The following MBTPS2 variants were observed in gnomAD, a reference collection of about 807,000 sequenced individuals.
MBTPS2 encodes membrane-bound transcription factor site-2 protease.
A neutral mutation model predicts 35.4 loss-of-function variants in MBTPS2; 2 were observed. The observed-to-expected ratio is 0.06, with a 90% confidence interval of 0.02 to 0.18. The LOEUF is 0.18. Among genes scored for constraint, MBTPS2 ranks in the 10% least tolerant of loss-of-function variants. The probability of loss-of-function intolerance (pLI) is 1.00; values close to 1 mark genes in which losing one functional copy is unlikely to be tolerated. For synonymous variants in MBTPS2, 125 were observed against 140.4 expected, an observed-to-expected ratio of 0.89 and a Z score of 0.77; for missense variants, 244 against 386.5, an observed-to-expected ratio of 0.63 and a Z score of 3.09.
intron 5 of MBTPS2, among the ~76,000 whole-genome samples, chrX:21,860,568 C>T (rs1396812876): frequency 8.9e-6 from 1 of 112,080 alleles, no homozygotes; most frequent in Admixed American, 9.4e-5. Flanking sequence ...GTTTGTGCTC[C>T]ACCACCCTCA....
chrX:21,879,951 T>TC lies in MBTPS2; in HGVS notation c.1262-946_1262-945insC, dbSNP rs1278053232. On this transcript the variant is annotated intron_variant, in intron 9 of 10. Coordinates refer to ENST00000379484, the MANE Select transcript of MBTPS2 (RefSeq NM_015884.4). ...GGATATGTGGGTTTTATGTTATTCT[T>TC]TTTTTTTTTTTTTTTTTTTGAGACG... is the stretch of plus-strand genomic sequence containing the variant. Among the ~76,000 whole-genome samples the TC allele has an allele frequency of 8.0e-4, 41 of 51,449 alleles. 2 individuals carry two copies. The highest frequency in any genetic ancestry group is 2.8e-3 in the South Asian group (3 of 1,074). The allele number at this position is 51,449 out of a possible 115,157, so 44.7% of individuals were successfully genotyped here. A position where few individuals can be genotyped will look rare whatever the true frequency, so the allele number is the denominator to read the frequency against.
chrX:21,844,196 A>G (rs2092905993), intron 2 of MBTPS2, among the ~76,000 whole-genome samples: 1 of 110,390 alleles, frequency 9.1e-6, no homozygotes, highest in African/African-American at 3.3e-5. Context: ...CTGATGAAGA[A>G]AAAAGAAACG....
intron 9 of MBTPS2, among the ~76,000 whole-genome samples, chrX:21,879,511 C>A (rs2092956671): frequency 9.0e-6 from 1 of 111,381 alleles, no homozygotes; most frequent in Non-Finnish European, 1.9e-5. Context: ...AACTCCTGAG[C>A]TCAAGCAATT....
At position 21,885,043 on chromosome X, in the gene MBTPS2, C is replaced by T. The variant is rs1191944169; in HGVS notation, c.*2388C>T. On this transcript the variant is annotated 3_prime_UTR_variant, in exon 11 of 11. Transcript: ENST00000379484. ...ACAGTAAAACTTTATTCTCAGTGTT[C>T]CTACTCTGCATTGTTTACATTTTTG... 5.3e-6 allele frequency: 4 copies of T among 750,489 alleles called. No homozygotes were observed. The African/African-American group carries it at 7.0e-5, about 13-fold the overall frequency. 61.8% of individuals were successfully genotyped at this position (750,489 alleles called of 1,213,427 possible).
At chrX:21,857,808 G>A in intron 5 of MBTPS2, 1 of 412,519 alleles carries the variant, frequency 2.4e-6, no homozygotes, top group Non-Finnish European at 4.0e-6. Context: ...AGATAATAGT[G>A]CTAAGATGCC....
intron 2 of MBTPS2, among the ~76,000 whole-genome samples, 155 bp from the exon 3 acceptor site, chrX:21,845,012 GCAGT>G (rs990370490): frequency 8.9e-6 from 1 of 112,521 alleles, no homozygotes; most frequent in African/African-American, 3.2e-5. Flanking sequence ...TGCTCATGCT[GCAGT>G]CAAATATTTG....
At chrX:21,849,616 A>C (rs1255275003) in intron 3 of MBTPS2, among the ~76,000 whole-genome samples, 1 of 111,118 alleles carries the variant, frequency 9.0e-6, no homozygotes, top group Non-Finnish European at 1.9e-5. Context: ...TAGCTCATTT[A>C]ATCCTCAAAA....
intron 9 of MBTPS2, 131 bp from the exon 10 acceptor site, chrX:21,880,766 C>A: frequency 2.0e-6 from 1 of 499,139 alleles, no homozygotes; most frequent in Non-Finnish European, 3.6e-6. Flanking sequence ...ATATGGCCTG[C>A]ATATGTTTAG....
At chrX:21,858,830 G>A (rs1199501065) in intron 5 of MBTPS2, 5 of 102,911 alleles carry the variant, frequency 4.9e-5, no homozygotes, top group East Asian at 3.1e-4. Flanking sequence ...TCGAGGCTGC[G>A]GTGAGCCGTG....
chrX:21,882,405 G>A, intron 10 of MBTPS2, 28 bp from the exon 11 acceptor site: 1 of 1,109,404 alleles, frequency 9.0e-7, no homozygotes. Context: ...ACCTCTCACA[G>A]TTGGTTCCTT....
At chrX:21,841,015 C>T (rs186446796) in intron 1 of MBTPS2, among the ~76,000 whole-genome samples, 6 of 112,093 alleles carry the variant, frequency 5.4e-5, no homozygotes, top group South Asian at 7.5e-4. Flanking sequence ...TGCATCATTT[C>T]GGAGCTTGTT....
Position 21,872,192 on chromosome X carries a change from T to G in MBTPS2, c.970+2514T>G, listed in dbSNP as rs1440599949. 4 of 112,201 alleles carry G rather than the reference T, an allele frequency of 3.6e-5. No homozygotes were observed. The East Asian group carries it at 1.1e-3, about 31-fold the overall frequency. The allele number at this position is 112,201 out of a possible 1,213,427, so 9.2% of individuals were successfully genotyped here. A position where few individuals can be genotyped will look rare whatever the true frequency, so the allele number is the denominator to read the frequency against. On this transcript the variant is annotated intron_variant, in intron 7 of 10. Transcript: ENST00000379484. ...AAGTCCTTTATCCTTTTCTTTTGGT[T>G]TCTCTAAATTTGATGTAATGTGTAT...
At chrX:21,861,909 T>A (rs2092931868) in intron 5 of MBTPS2, among the ~76,000 whole-genome samples, 1 of 112,314 alleles carries the variant, frequency 8.9e-6, no homozygotes, top group African/African-American at 3.2e-5. Context: ...TGTGAATTCA[T>A]TACTTGGAAC....
At chrX:21,849,732 T>C (rs1303069282) in intron 3 of MBTPS2, among the ~76,000 whole-genome samples, 1 of 107,944 alleles carries the variant, frequency 9.3e-6, no homozygotes, top group Non-Finnish European at 1.9e-5. Flanking sequence ...AGTTAAGAGA[T>C]AGAGACAGGA....
chrX:21,879,946 A>ATTTTTTTTTTTTTTT (rs1569329172), intron 9 of MBTPS2, among the ~76,000 whole-genome samples: 2 of 40,534 alleles, frequency 4.9e-5, no homozygotes, highest in Admixed American at 3.1e-4. Context: ...GTTTTATGTT[A>ATTTTTTTTTTTTTTT]TTCTTTTTTT....
intron 3 of MBTPS2, among the ~76,000 whole-genome samples, chrX:21,851,015 C>T (rs766961401): frequency 9.0e-6 from 1 of 111,683 alleles, no homozygotes; most frequent in Non-Finnish European, 1.9e-5. Flanking sequence ...AAATGAAACT[C>T]GCTGATTAAT....
At chrX:21,858,518 A>G (rs1197161087) in intron 5 of MBTPS2, 2 of 123,049 alleles carry the variant, frequency 1.6e-5, no homozygotes, top group African/African-American at 6.5e-5. Flanking sequence ...GCATCTGGTG[A>G]GTGGAGGGAG....
chrX:21,863,710 GCACCT>G (rs1365018293), intron 5 of MBTPS2, among the ~76,000 whole-genome samples: 11 of 111,494 alleles, frequency 9.9e-5, no homozygotes, highest in Non-Finnish European at 9.4e-5. Flanking sequence ...TTGGGTCCAC[GCACCT>G]CTTTCAGAGC....
intron 5 of MBTPS2, among the ~76,000 whole-genome samples, chrX:21,863,439 G>C (rs1036378260): frequency 9.1e-6 from 1 of 110,387 alleles, no homozygotes; most frequent in African/African-American, 3.3e-5. Context: ...AATGGAAAAT[G>C]ATAACAGTAT....
Sources: allele counts gnomAD v4.1 joint callset (sites outside exome capture counted in the v4.1 genomes callset), GRCh38; gene constraint gnomAD v4.1.1; transcripts MANE v1.5; gene names NCBI Gene and HGNC (gene_info 2026-07-23, HGNC 2026-07-21).